The following RFT1 variants were observed in gnomAD, a reference collection of about 807,000 sequenced individuals.
The protein encoded by RFT1 is man(5)GlcNAc(2)-PP-dolichol translocation protein RFT1.
RFT1 carries 43 observed loss-of-function variants against 62.2 expected under a neutral mutation model. The observed-to-expected ratio is 0.69, with a 90% CI of 0.54 to 0.89. The LOEUF is 0.89. RFT1 is among the 40% of genes least tolerant of loss of function. The pLI is 0.00. For missense variants in RFT1, 605 were observed against 649.9 expected, an observed-to-expected ratio of 0.93 and a Z score of 0.75; for synonymous variants, 262 against 264.6, an observed-to-expected ratio of 0.99 and a Z score of 0.10.
chr3:53,083,623 T>C (rs988793330), downstream of RFT1, among the ~76,000 whole-genome samples: 2 of 152,230 alleles, frequency 1.3e-5, no homozygotes, highest in Non-Finnish European at 2.9e-5. Context: ...GGCCCGGCGC[T>C]TGGCCCTGTG....
the RFT1 span, among the ~76,000 whole-genome samples, chr3:53,081,141 A>T: frequency 6.6e-6 from 1 of 152,218 alleles, no homozygotes; most frequent in Admixed American, 6.5e-5. Context: ...TCCTGAGGAC[A>T]TCATAAGAAC....
intron 11 of RFT1, among the ~76,000 whole-genome samples, chr3:53,098,506 T>C (rs895651340): frequency 6.6e-6 from 1 of 151,180 alleles, no homozygotes; most frequent in Non-Finnish European, 1.5e-5. Context: ...AGAGGCAGCA[T>C]GAAAACCCCC....
chr3:53,125,390 A>G (rs560117949), intron 2 of RFT1, among the ~76,000 whole-genome samples: 3 of 152,356 alleles, frequency 2.0e-5, no homozygotes, highest in East Asian at 1.9e-4. Flanking sequence ...TCTAAAAGAC[A>G]AAGAAGTCAT....
At chr3:53,081,842 A>G in the RFT1 span, among the ~76,000 whole-genome samples, 1 of 152,098 alleles carries the variant, frequency 6.6e-6, no homozygotes, top group Non-Finnish European at 1.5e-5. Context: ...TTAAGATGGG[A>G]TGAAGACAGA....
intron 4 of RFT1, 66 bp from the exon 5 acceptor site, chr3:53,121,866 T>TA: frequency 7.4e-7 from 1 of 1,351,686 alleles, no homozygotes; most frequent in South Asian, 1.2e-5. Context: ...AATGGAATGA[T>TA]AGACAGAAAA....
intron 2 of RFT1, 106 bp from the exon 3 acceptor site, chr3:53,123,946 A>G (rs888626481): frequency 6.7e-6 from 6 of 891,998 alleles, no homozygotes; most frequent in Non-Finnish European, 1.1e-5. Flanking sequence ...GTCATAAACC[A>G]CTGGTGGTGA....
Position 53,123,773 on chromosome 3 carries a change from C to T in RFT1, c.217G>A (p.Gly73Arg). 1.2e-6 allele frequency: 2 copies of T among 1,614,224 alleles called. No individual in the cohort carries two copies. The highest frequency in any genetic ancestry group is 1.7e-6 in the Non-Finnish European group (2 of 1,180,020). ...TGGCTCCAGTCTCGCTGGGTGCCCC[C>T]ACTGAGACATGCTCTGCGGAAGGCC... ...REAFRRACLSGGTQRDWSQTL... is the reference protein window; with the variant it reads ...REAFRRACLSRGTQRDWSQTL... The change falls in exon 3 of 13, where the codon GGG (glycine) becomes AGG (arginine). Residue 73 changes from glycine to arginine, a missense_variant. By Grantham distance (125) the Gly-to-Arg change is moderately radical. Transcript: ENST00000296292.
chr3:53,067,612 C>T, the RFT1 span, among the ~76,000 whole-genome samples: 1 of 152,158 alleles, frequency 6.6e-6, no homozygotes, highest in African/African-American at 2.4e-5. Flanking sequence ...CTGTATTATG[C>T]ATTCATGATT....
At chr3:53,115,643 C>T (rs1701770803) in intron 6 of RFT1, among the ~76,000 whole-genome samples, 1 of 152,212 alleles carries the variant, frequency 6.6e-6, no homozygotes, top group Non-Finnish European at 1.5e-5. Context: ...AGGTAACAAG[C>T]ACTGAGCAAA....
downstream of RFT1, among the ~76,000 whole-genome samples, chr3:53,084,241 CAGT>C (rs2107047853): frequency 6.6e-6 from 1 of 152,346 alleles, no homozygotes; most frequent in East Asian, 1.9e-4. Flanking sequence ...CTCCTGGGAA[CAGT>C]GGTGGACAAC....
At chr3:53,113,107 C>CT (rs2107138818) in intron 6 of RFT1, among the ~76,000 whole-genome samples, 1 of 152,310 alleles carries the variant, frequency 6.6e-6, no homozygotes, top group South Asian at 2.1e-4. Context: ...CCTCAAACTC[C>CT]TGGGCTCAAG....
chr3:53,080,100 C>T, the RFT1 span, among the ~76,000 whole-genome samples: 6 of 152,354 alleles, frequency 3.9e-5, no homozygotes, highest in South Asian at 1.0e-3. Context: ...TGGACAAAGC[C>T]ACCTTCTTTC....
In RFT1 at chr3:53,123,795, G is replaced by A; in HGVS notation, c.195C>T (p.Ala65=). Residue 65 remains alanine (A), a synonymous_variant, in exon 3 of 13, where the codon GCC becomes GCT. Coordinates refer to ENST00000296292, the MANE Select transcript of RFT1 (RefSeq NM_052859.4). Reference sequence around the variant, plus strand: ...CCCCACTGAGACATGCTCTGCGGAAGGCCTCTCTGGCCAGGAAGAGGGTGG... The same window carrying A: ...CCCCACTGAGACATGCTCTGCGGAAAGCCTCTCTGGCCAGGAAGAGGGTGG... The part of the protein sequence containing the change: ...YSTTLFLARE[A]FRRACLSGGT... The A allele has an allele frequency of 6.2e-7, 1 of 1,614,248 alleles. No homozygotes were observed. The highest frequency in any genetic ancestry group is 8.5e-7 in the Non-Finnish European group (1 of 1,180,028).
chr3:53,070,401 T>G, the RFT1 span, among the ~76,000 whole-genome samples: 13 of 136,240 alleles, frequency 9.5e-5, no homozygotes, highest in Admixed American at 2.9e-4. Context: ...TGGTTTTTTT[T>G]TTTTTTTTTT....
Position 53,092,463 on chromosome 3 carries a change from C to T in RFT1, c.1364G>A (p.Arg455Gln), listed in dbSNP as rs761993663. 5.6e-6 allele frequency: 9 copies of T among 1,611,764 alleles called. No individual in the cohort carries two copies. The highest frequency in any genetic ancestry group is 2.2e-5 in the East Asian group (1 of 44,846). Residue 455 changes from arginine (R) to glutamine (Q), a missense_variant, in exon 12 of 13, where the codon CGA becomes CAA. Transcript: ENST00000296292. ...QSLCFIHRYY[R>Q]RSPHRPLAGL... ...AGCCAGGGGCCTGTGGGGGCTCCTT[C>T]GGTAGTAGCGGTGGATGAAGCAAAG...
chr3:53,076,516 T>G, the RFT1 span, among the ~76,000 whole-genome samples: 1 of 152,244 alleles, frequency 6.6e-6, no homozygotes, highest in Non-Finnish European at 1.5e-5. Flanking sequence ...CTACTTGGTT[T>G]AGCAGAAAAC....
the RFT1 span, among the ~76,000 whole-genome samples, chr3:53,070,019 A>G: frequency 6.6e-6 from 1 of 152,212 alleles, no homozygotes; most frequent in Non-Finnish European, 1.5e-5. Context: ...ATTCAGGAAG[A>G]TGGGGCTGGC....
intron 9 of RFT1, 88 bp from the exon 10 acceptor site, chr3:53,104,185 G>A (rs1377153341): frequency 7.3e-7 from 1 of 1,372,820 alleles, no homozygotes; most frequent in Non-Finnish European, 1.0e-6. Flanking sequence ...TCCCTTCACT[G>A]TTTTACAGTT....
rs186801580 is a variant in RFT1, at chr3:53,129,567, G to A, written c.63+771C>T. 8.5e-5 allele frequency among the ~76,000 whole-genome samples: 13 copies of A among 152,234 alleles called. No individual in the cohort carries two copies. In the East Asian group the frequency reaches 1.2e-3, roughly 14 times the overall value. On this transcript the variant is annotated intron_variant, in intron 1 of 12. Transcript: ENST00000296292. ...CTCAAGAGTGAGACAGAGAGATACT[G>A]AGCCACTTGACTTAAGAGGTTCAGC...
Sources: gnomAD v4.1 joint callset for allele counts (sites outside exome capture counted in the v4.1 genomes callset) on GRCh38, gnomAD v4.1.1 for gene constraint, MANE v1.5 for transcripts, NCBI Gene and HGNC (gene_info 2026-07-23, HGNC 2026-07-21) for gene names.